The following ELFN1 variants were observed in gnomAD, a reference collection of about 807,000 sequenced individuals.
The protein encoded by ELFN1 is protein ELFN1.
Under a neutral mutation model 7.6 loss-of-function variants are expected in ELFN1, and 6 were observed. The observed-to-expected ratio is 0.79, with a 90% CI of 0.43 to 1.56. ELFN1 has a LOEUF of 1.56. Ranked by LOEUF, ELFN1 falls within the 40% of genes most tolerant of loss-of-function variation. The probability of loss-of-function intolerance (pLI) is 0.01; values close to 1 mark genes in which losing one functional copy is unlikely to be tolerated. For synonymous variants in ELFN1, 657 were observed against 588.1 expected (o/e 1.12, Z -1.70); for missense variants, 1,169 against 1,232.2 (o/e 0.95, Z 0.77).
chr7:1,732,071 G>A (rs948396609), intron 3 of ELFN1, among the ~76,000 whole-genome samples: 2 of 152,186 alleles, frequency 1.3e-5, no homozygotes, highest in Non-Finnish European at 2.9e-5. Flanking sequence ...CCGAGCTTTC[G>A]GTGCAGAAGG....
Position 1,735,760 on chromosome 7 carries a change from C to G in ELFN1, c.-293-8544C>G, listed in dbSNP as rs923995670. 5.3e-5 allele frequency among the ~76,000 whole-genome samples: 8 copies of G among 152,134 alleles called. No homozygotes were observed. Among genetic ancestry groups the G allele is most frequent in the African/African-American group, 1.9e-4 (8 of 41,434 alleles). ...ATCTCCCATACTGCCTTGCACTCAC[C>G]TTCCCTCCCCTACTGAGGAGGAAAT... On this transcript the variant is annotated intron_variant, in intron 3 of 3. Coordinates refer to ENST00000424383, the MANE Select transcript of ELFN1 (RefSeq NM_001128636.4). This position sits in a 1 kb window ranked among gnomAD's most constrained non-coding sequence, Gnocchi z 5.9.
At chr7:1,737,910 C>T (rs775931856) in intron 3 of ELFN1, among the ~76,000 whole-genome samples, 10 of 152,350 alleles carry the variant, frequency 6.6e-5, no homozygotes, top group Non-Finnish European at 1.2e-4. Flanking sequence ...TCAGCACTCT[C>T]TGTGAATAGG....
chr7:1,692,569 C>G (rs532817273), intron 2 of ELFN1: 1 of 152,450 alleles, frequency 6.6e-6, no homozygotes, highest in Non-Finnish European at 1.5e-5. Flanking sequence ...CACCGTGGCA[C>G]TTGAAACATG....
chr7:1,746,582 C>T lies in ELFN1; in HGVS notation c.1986C>T (p.Ala662=), dbSNP rs1476277702. 1.4e-5 allele frequency: 19 copies of T among 1,345,862 alleles called. 1 individual carries two copies. In the East Asian group the frequency reaches 2.9e-4, roughly 21 times the overall value. 83.4% of individuals were successfully genotyped at this position (1,345,862 alleles called of 1,614,324 possible). Residue 662 remains alanine, a synonymous_variant, in exon 4 of 4, where the codon GCC becomes GCT. Coordinates refer to ENST00000424383, the MANE Select transcript of ELFN1 (RefSeq NM_001128636.4). Reference sequence around the variant, plus strand: ...CCGAGGCCGTCGGGGTGCACAAGGCCGCGGCCGCCGAGGCCAAGTACATCG... The same window carrying T: ...CCGAGGCCGTCGGGGTGCACAAGGCTGCGGCCGCCGAGGCCAAGTACATCG... ...FRAEAVGVHK[A]AAAEAKYIEK...
In ELFN1 at chr7:1,744,953, G is replaced by A; in HGVS notation, c.357G>A (p.Arg119=). 4 of 1,551,516 alleles carry A rather than the reference G, an allele frequency of 2.6e-6. No homozygotes were observed. Among genetic ancestry groups the A allele is most frequent in the Non-Finnish European group, 3.5e-6 (4 of 1,147,088 alleles). ...AGGTGCTGCAGCTGGGCTACAACCG[G>A]CTGCGCAACCTCACGGAGGGCATGC... ...NLQVLQLGYN[R]LRNLTEGMLR... Residue 119 remains arginine, a synonymous_variant, in exon 4 of 4, where the codon CGG becomes CGA. Coordinates refer to ENST00000424383, the MANE Select transcript of ELFN1 (RefSeq NM_001128636.4).
At chr7:1,743,076 C>G (rs1404507259) in intron 3 of ELFN1, among the ~76,000 whole-genome samples, 2 of 117,012 alleles carry the variant, frequency 1.7e-5, no homozygotes, top group Non-Finnish European at 1.8e-5. Flanking sequence ...CCCCTTATCT[C>G]GAGGGTAGTG....
intron 2 of ELFN1, chr7:1,693,406 A>G (rs1779218652): frequency 2.1e-6 from 1 of 471,120 alleles, no homozygotes; most frequent in African/African-American, 2.0e-5. Context: ...GTGCCTGAGT[A>G]GGTATGTGCA....
chr7:1,670,938 G>A lies in ELFN1; in HGVS notation c.-549+584G>A, dbSNP rs1401494893. Among the ~76,000 whole-genome samples the A allele has an allele frequency of 6.6e-6, 1 of 151,876 alleles. No homozygotes were observed. Among genetic ancestry groups the A allele is most frequent in the African/African-American group, 2.4e-5 (1 of 41,428 alleles). ...TGAGTCCAACCACTGGCGGGGGGGT[G>A]GGGTGGGGGGCTTCGCTCCGAACTG... On this transcript the variant is annotated intron_variant, in intron 1 of 3. Transcript: ENST00000424383. This position sits in a 1 kb window ranked among gnomAD's most constrained non-coding sequence, Gnocchi z 6.4.
In ELFN1 at chr7:1,746,194, C is replaced by A. The variant is rs754731830; in HGVS notation, c.1598C>A (p.Pro533His). The A allele has an allele frequency of 3.2e-6, 5 of 1,551,566 alleles. No individual in the cohort carries two copies. The Admixed American group carries it at 7.8e-5, about 24-fold the overall frequency. The change falls in exon 4 of 4, where the codon CCT (proline) becomes CAT (histidine). Residue 533 changes from proline (P) to histidine (H), a missense_variant. Physicochemically the swap from Pro to His is moderately conservative, Grantham distance 77 (BLOSUM62 -2). This residue lies in a region of ELFN1 where 914 missense variants were observed against 872.6 expected (regional missense o/e 1.05). Coordinates refer to ENST00000424383, the MANE Select transcript of ELFN1 (RefSeq NM_001128636.4). ...GSYMEVRTGD[P>H]PERRDCELGR... ...TACATGGAGGTTCGAACCGGGGACC[C>A]TCCGGAACGCAGGGACTGTGAGCTG...
rs773186780 is a variant in ELFN1 at position 1,746,931 on chromosome 7, C to T, written c.2335C>T (p.Arg779Cys). ...TCRASQSIWERFRLSRRRHKE... is the reference protein window; with the variant it reads ...TCRASQSIWECFRLSRRRHKE... ...CCGGGCCTCCCAGAGCATCTGGGAG[C>T]GCTTCAGACTGAGCCGCCGGCGGCA... Residue 779 changes from arginine to cysteine, a missense_variant, in exon 4 of 4, where the codon CGC (arginine) becomes TGC (cysteine). Physicochemically the swap from Arg to Cys is radical, Grantham distance 180. Transcript: ENST00000424383. The T allele has an allele frequency of 1.0e-5, 16 of 1,549,692 alleles. No individual in the cohort carries two copies. Among genetic ancestry groups the T allele is most frequent in the East Asian group, 2.4e-5 (1 of 40,876 alleles).
rs1444533304 is a variant in ELFN1, at chr7:1,746,982, G to A, written c.2386G>A (p.Ala796Thr). ...CAAGGAGGAAGAGGAGTTCATGGCC[G>A]CGGGCCATGCCCTGCGCAAGAAGGT... ...RHKEEEEFMA[A>T]GHALRKKVQF... The change falls in exon 4 of 4, where the codon GCG (alanine) becomes ACG (threonine). Residue 796 changes from alanine (A) to threonine (T), a missense_variant. Ala to Thr is a moderately conservative substitution (Grantham distance 58). Around this residue, in one of 2 missense-constraint regions of ELFN1, gnomAD observed 914 missense variants for 872.6 expected, o/e 1.05. Coordinates refer to ENST00000424383, the MANE Select transcript of ELFN1 (RefSeq NM_001128636.4). 5 of 1,559,836 alleles carry A rather than the reference G, an allele frequency of 3.2e-6. No individual in the cohort carries two copies. Among genetic ancestry groups the A allele is most frequent in the African/African-American group, 2.7e-5 (2 of 73,384 alleles).
intron 3 of ELFN1, among the ~76,000 whole-genome samples, chr7:1,727,097 A>G (rs1780218452): frequency 6.6e-6 from 1 of 152,130 alleles, no homozygotes; most frequent in African/African-American, 2.4e-5. Context: ...ATCCATGAAG[A>G]CAGCAACCCT....
intron 2 of ELFN1, among the ~76,000 whole-genome samples, chr7:1,690,955 G>T (rs1018625599): frequency 6.6e-6 from 1 of 152,138 alleles, no homozygotes; most frequent in Non-Finnish European, 1.5e-5. Flanking sequence ...ATGAATGAGT[G>T]GATGATACAT....
chr7:1,713,832 G>T (rs559747612), intron 3 of ELFN1, among the ~76,000 whole-genome samples: 2 of 152,168 alleles, frequency 1.3e-5, no homozygotes, highest in African/African-American at 2.4e-5. Flanking sequence ...AGGCCACCTC[G>T]CCAATCCCCG....
At chr7:1,667,595 G>A (rs1467814348), upstream of ELFN1, among the ~76,000 whole-genome samples, 1 of 152,186 alleles carries the variant, frequency 6.6e-6, no homozygotes, top group Non-Finnish European at 1.5e-5. This position sits in a 1 kb window ranked among gnomAD's most constrained non-coding sequence, Gnocchi z 8.2. Flanking sequence ...TGAGGATCTG[G>A]GGGACGGGGA....
chr7:1,727,658 G>T (rs771353323), intron 3 of ELFN1, among the ~76,000 whole-genome samples: 3 of 152,070 alleles, frequency 2.0e-5, no homozygotes, highest in Non-Finnish European at 4.4e-5. Flanking sequence ...ACCCAGGGTG[G>T]CATGCAATGG....
rs1334141234 is a variant in ELFN1, at chr7:1,734,735, T to A, written c.-293-9569T>A. ...TTTTTTTTTTGAGACAGGATCTCTG[T>A]CACCCAGGCTGGAACACAGTGGCAC... On this transcript the variant is annotated intron_variant, in intron 3 of 3. Transcript: ENST00000424383. Among the ~76,000 whole-genome samples, 5 of 151,818 alleles carry A rather than the reference T, an allele frequency of 3.3e-5. No individual in the cohort carries two copies. The South Asian group carries it at 1.0e-3, about 32-fold the overall frequency.
At chr7:1,672,462 G>A (rs1583303437) in intron 1 of ELFN1, among the ~76,000 whole-genome samples, 2 of 152,022 alleles carry the variant, frequency 1.3e-5, no homozygotes, top group African/African-American at 2.4e-5. Context: ...TCGGACCCCG[G>A]CATTTGAATA....
rs376930464 is a variant in ELFN1, at chr7:1,746,435, G to A, written c.1839G>A (p.Ala613=). 2.4e-5 allele frequency: 37 copies of A among 1,531,148 alleles called. No homozygotes were observed. The highest frequency in any genetic ancestry group is 2.9e-5 in the Non-Finnish European group (33 of 1,141,954). The allele number at this position is 1,531,148 out of a possible 1,614,324, so 94.8% of individuals were successfully genotyped here. A position where few individuals can be genotyped will look rare whatever the true frequency, so the allele number is the denominator to read the frequency against. The change falls in exon 4 of 4, where the codon GCG becomes GCA. Residue 613 remains alanine, a synonymous_variant. Transcript: ENST00000424383. ...TGGCCGCCAAGCACGGCTTCCTGGC[G>A]CCCGGGTACAAGGACGCCTTCGGCC... The part of the protein sequence containing the change: ...EPLAAKHGFL[A]PGYKDAFGHS...
Sources: gnomAD v4.1 joint callset for allele counts (sites outside exome capture counted in the v4.1 genomes callset) on GRCh38, gnomAD v4.1.1 for gene constraint, gnomAD v4.1.1 regional missense constraint, Gnocchi (gnomAD v3.1) non-coding constraint, MANE v1.5 for transcripts, NCBI Gene and HGNC (gene_info 2026-07-23, HGNC 2026-07-21) for gene names.